GRIA4: variants seen among roughly 807,000 people sequenced by gnomAD.
GRIA4 encodes the protein glutamate ionotropic receptor AMPA type subunit 4, also known as glutamate receptor 4.
A neutral mutation model predicts 104.0 loss-of-function variants in GRIA4; 34 were observed. The observed-to-expected ratio is 0.33, with a 90% CI of 0.25 to 0.44. The LOEUF (loss-of-function observed/expected upper bound fraction) is 0.44. Among genes scored for constraint, GRIA4 ranks in the 20% least tolerant of loss-of-function variants. GRIA4 has a pLI of 1.00. For synonymous variants in GRIA4, 386 were observed against 381.9 expected (o/e 1.01, Z -0.13); for missense variants, 750 against 1,096.5 (o/e 0.68, Z 4.46).
chr11:105,971,293 T>A (rs1209843638), intron 14 of GRIA4, among the ~76,000 whole-genome samples: 4 of 152,226 alleles, frequency 2.6e-5, no homozygotes, highest in East Asian at 1.9e-4. Flanking sequence ...AGTATCATCA[T>A]GGGCTTACGC....
chr11:105,727,838 T>TCA (rs555010528), intron 3 of GRIA4, among the ~76,000 whole-genome samples: 137 of 152,298 alleles, frequency 9.0e-4, no homozygotes, highest in Middle Eastern at 3.4e-3. Flanking sequence ...AGGGATTTTG[T>TCA]CACCACCAGG....
At chr11:105,737,436 T>C (rs1160607573) in intron 3 of GRIA4, among the ~76,000 whole-genome samples, 1 of 152,078 alleles carries the variant, frequency 6.6e-6, no homozygotes, top group Non-Finnish European at 1.5e-5. Flanking sequence ...GTAAATTCTG[T>C]TCCAGGATTT....
chr11:105,762,728 T>C (rs1475457090), intron 4 of GRIA4, among the ~76,000 whole-genome samples: 1 of 152,116 alleles, frequency 6.6e-6, no homozygotes, highest in Non-Finnish European at 1.5e-5. Context: ...TAAAGGGAAG[T>C]TCCCCTGCAC....
chr11:105,869,974 G>A (rs1945555323), intron 5 of GRIA4, among the ~76,000 whole-genome samples: 1 of 152,018 alleles, frequency 6.6e-6, no homozygotes, highest in South Asian at 2.1e-4. Context: ...CACTGGTAAA[G>A]ATAAAAATGA....
chr11:105,958,510 T>C (rs1333191676), intron 14 of GRIA4, among the ~76,000 whole-genome samples: 2 of 152,224 alleles, frequency 1.3e-5, no homozygotes, highest in African/African-American at 4.8e-5. Flanking sequence ...TTGGATTTGG[T>C]CTGCCAGTAT....
intron 4 of GRIA4, among the ~76,000 whole-genome samples, chr11:105,812,034 C>T (rs1013097735): frequency 3.3e-5 from 5 of 152,192 alleles, no homozygotes; most frequent in African/African-American, 1.2e-4. Flanking sequence ...GCACTCAGGG[C>T]GGGTGCCTGG....
At chr11:105,881,942 T>C (rs1014382730) in intron 5 of GRIA4, among the ~76,000 whole-genome samples, 2 of 152,294 alleles carry the variant, frequency 1.3e-5, no homozygotes, top group East Asian at 3.9e-4. Flanking sequence ...TCTTACAAGG[T>C]TGTAGTTTAA....
chr11:105,623,449 T>A (rs1950806428), intron 3 of GRIA4, among the ~76,000 whole-genome samples: 1 of 152,030 alleles, frequency 6.6e-6, no homozygotes, highest in Non-Finnish European at 1.5e-5. Flanking sequence ...AACCCTCCAA[T>A]GACTTTTCAT....
At chr11:105,870,422 T>G (rs929847937) in intron 5 of GRIA4, among the ~76,000 whole-genome samples, 2 of 151,936 alleles carry the variant, frequency 1.3e-5, no homozygotes, top group African/African-American at 4.8e-5. Flanking sequence ...ATTTATCCAG[T>G]ACCTACTAAT....
At chr11:105,799,945 T>G (rs1237698879) in intron 4 of GRIA4, among the ~76,000 whole-genome samples, 11 of 152,156 alleles carry the variant, frequency 7.2e-5, no homozygotes, top group Non-Finnish European at 1.2e-4. Context: ...GAACTGAATT[T>G]AAGCTGGATT....
chr11:105,723,855 C>A (rs1325422618), intron 3 of GRIA4, among the ~76,000 whole-genome samples: 2 of 151,898 alleles, frequency 1.3e-5, no homozygotes, highest in Non-Finnish European at 2.9e-5. Flanking sequence ...AACAACAAAA[C>A]AAATAATGGA....
At chr11:105,643,917 C>A (rs867657297) in intron 3 of GRIA4, among the ~76,000 whole-genome samples, 11 of 152,080 alleles carry the variant, frequency 7.2e-5, no homozygotes, top group African/African-American at 2.4e-4. Context: ...CAGGGTTTCA[C>A]CATGTTGGCC....
chr11:105,783,099 T>C (rs1941801147), intron 4 of GRIA4, among the ~76,000 whole-genome samples: 1 of 152,222 alleles, frequency 6.6e-6, no homozygotes, highest in South Asian at 2.1e-4. Flanking sequence ...CTAAATTTTA[T>C]GTTTTTAACT....
intron 3 of GRIA4, among the ~76,000 whole-genome samples, chr11:105,694,373 T>C (rs1424986344): frequency 6.6e-6 from 1 of 152,102 alleles, no homozygotes; most frequent in Non-Finnish European, 1.5e-5. Flanking sequence ...GGTCTTGATC[T>C]CTTGACCTCG....
chr11:105,933,893 T>C lies in GRIA4; in HGVS notation c.2218T>C (p.Cys740Arg). Residue 740 changes from cysteine (C) to arginine (R), a missense_variant, in exon 14 of 17, where the codon TGT (cysteine) becomes CGT (arginine). By Grantham distance (180) the Cys-to-Arg change is radical. Transcript: ENST00000282499. ...TGAATACATTGAGCAGCGAAAGCCA[T>C]GTGACACGATGAAAGTGGGAGGAAA... is the stretch of plus-strand genomic sequence containing the variant. ...MNEYIEQRKP[C>R]DTMKVGGNLD... is the part of the protein sequence containing the mutation. The C allele has an allele frequency of 6.2e-7, 1 of 1,613,358 alleles. No individual in the cohort carries two copies. Among genetic ancestry groups the C allele is most frequent in the Non-Finnish European group, 8.5e-7 (1 of 1,179,464 alleles).
intron 4 of GRIA4, among the ~76,000 whole-genome samples, chr11:105,757,015 T>G (rs1340634021): frequency 3.3e-5 from 5 of 152,090 alleles, no homozygotes; most frequent in African/African-American, 4.8e-5. Flanking sequence ...AAAATAACAA[T>G]GGAGCTTCCT....
At chr11:105,777,333 G>A (rs2135758755) in intron 4 of GRIA4, among the ~76,000 whole-genome samples, 1 of 152,186 alleles carries the variant, frequency 6.6e-6, no homozygotes, top group African/African-American at 2.4e-5. Context: ...TTAGTTATAT[G>A]CTTCAGTTAG....
At chr11:105,947,180 T>C (rs675084) in intron 14 of GRIA4, among the ~76,000 whole-genome samples, 98,093 of 152,004 alleles carry the variant, frequency 0.65, 31,714 homozygotes, top group Middle Eastern at 0.7. Context: ...AACTTAAGCA[T>C]TAAACTTTTA....
At chr11:105,702,460 A>G (rs1240922796) in intron 3 of GRIA4, among the ~76,000 whole-genome samples, 2 of 151,898 alleles carry the variant, frequency 1.3e-5, no homozygotes, top group African/African-American at 4.8e-5. Context: ...AATAATAATA[A>G]TAGGCATAAT....
Sources: allele counts gnomAD v4.1 joint callset (sites outside exome capture counted in the v4.1 genomes callset), GRCh38; gene constraint gnomAD v4.1.1; transcripts MANE v1.5; gene names NCBI Gene and HGNC (gene_info 2026-07-23, HGNC 2026-07-21).